The following SERGEF variants were observed in gnomAD, a reference collection of about 807,000 sequenced individuals.
SERGEF encodes the protein secretion regulating guanine nucleotide exchange factor, also known as secretion-regulating guanine nucleotide exchange factor.
In SERGEF, 51 loss-of-function variants were observed where a neutral mutation model predicts 50.0. The ratio of observed to expected loss-of-function variants is 1.02; its 90% CI spans 0.81 to 1.29. The LOEUF (loss-of-function observed/expected upper bound fraction) is 1.29, where lower values mean the gene tolerates loss of function less well. Ranked by LOEUF, SERGEF falls within the 50% of genes most tolerant of loss-of-function variation. The pLI, the probability that SERGEF is intolerant of heterozygous loss-of-function variation, is 0.00. For synonymous variants in SERGEF, 205 were observed against 212.4 expected (o/e 0.97, Z 0.30); for missense variants, 521 against 557.0 (o/e 0.94, Z 0.65).
At chr11:17,801,964 C>G (rs1849677850) in intron 10 of SERGEF, among the ~76,000 whole-genome samples, 1 of 152,086 alleles carries the variant, frequency 6.6e-6, no homozygotes, top group Admixed American at 6.6e-5. Context: ...TGTGAATGTC[C>G]CTGTTTCATA....
At chr11:17,832,321 T>C (rs1249177858) in intron 10 of SERGEF, among the ~76,000 whole-genome samples, 1 of 152,232 alleles carries the variant, frequency 6.6e-6, no homozygotes, top group Non-Finnish European at 1.5e-5. Context: ...TCTCTCATTT[T>C]TTGCCTGCAA....
chr11:17,866,297 CATAAAT>C, intron 10 of SERGEF, among the ~76,000 whole-genome samples: 1 of 152,198 alleles, frequency 6.6e-6, no homozygotes, highest in Non-Finnish European at 1.5e-5. Flanking sequence ...CAAAGAACTC[CATAAAT>C]AGTTTTCAGA....
At chr11:17,958,007 C>A (rs1368298473) in intron 9 of SERGEF, among the ~76,000 whole-genome samples, 1 of 152,142 alleles carries the variant, frequency 6.6e-6, no homozygotes, top group Admixed American at 6.5e-5. Context: ...TTATGGAAAT[C>A]TTCCATAATA....
chr11:17,827,943 T>A (rs1040325946), intron 10 of SERGEF, among the ~76,000 whole-genome samples: 1 of 152,198 alleles, frequency 6.6e-6, no homozygotes, highest in East Asian at 1.9e-4. Context: ...ATAGCAGCAC[T>A]AAGTTCTTCA....
intron 10 of SERGEF, among the ~76,000 whole-genome samples, chr11:17,834,110 C>A (rs1214064510): frequency 6.6e-6 from 1 of 152,108 alleles, no homozygotes; most frequent in Admixed American, 6.5e-5. Context: ...CTTGAATTCC[C>A]ACGTGTTGTG....
chr11:17,955,154 A>G (rs1852840284), intron 9 of SERGEF, among the ~76,000 whole-genome samples: 1 of 152,210 alleles, frequency 6.6e-6, no homozygotes, highest in Non-Finnish European at 1.5e-5. Flanking sequence ...TATCTTTGCT[A>G]AACTCCTATG....
At chr11:17,998,850 G>A (rs1039934078) in intron 5 of SERGEF, among the ~76,000 whole-genome samples, 3 of 149,072 alleles carry the variant, frequency 2.0e-5, no homozygotes, top group South Asian at 2.1e-4. Flanking sequence ...AAAAACTCAC[G>A]AGAAACCAAT....
chr11:17,795,072 A>G (rs1408260703), intron 10 of SERGEF, among the ~76,000 whole-genome samples: 1 of 152,220 alleles, frequency 6.6e-6, no homozygotes, highest in African/African-American at 2.4e-5. Context: ...AAGAGCACGC[A>G]TAGGCCTAGA....
chr11:17,937,762 C>G (rs1429264224), intron 9 of SERGEF, among the ~76,000 whole-genome samples: 1 of 152,064 alleles, frequency 6.6e-6, no homozygotes, highest in East Asian at 1.9e-4. Flanking sequence ...ACAGTAAGAA[C>G]TATCCTAAAA....
intron 10 of SERGEF, among the ~76,000 whole-genome samples, chr11:17,813,975 T>G (rs1849919257): frequency 6.6e-6 from 1 of 152,214 alleles, no homozygotes; most frequent in African/African-American, 2.4e-5. Flanking sequence ...CAGACCCCAC[T>G]GCTTAGGTTC....
intron 9 of SERGEF, among the ~76,000 whole-genome samples, chr11:17,879,653 AG>A (rs1414104210): frequency 6.6e-6 from 1 of 152,180 alleles, no homozygotes; most frequent in African/African-American, 2.4e-5. Context: ...AATGTCTTCC[AG>A]GTTCATCCAT....
At chr11:17,798,351 C>A (rs1279595803) in intron 10 of SERGEF, among the ~76,000 whole-genome samples, 1 of 152,218 alleles carries the variant, frequency 6.6e-6, no homozygotes, top group African/African-American at 2.4e-5. Flanking sequence ...ACTGCAGGCA[C>A]CTCATCTGAC....
chr11:17,967,294 C>T (rs1252552611), intron 8 of SERGEF, among the ~76,000 whole-genome samples: 1 of 152,154 alleles, frequency 6.6e-6, no homozygotes, highest in Non-Finnish European at 1.5e-5. Flanking sequence ...GTCTGTCTGA[C>T]CTCAGCTCCA....
At chr11:17,937,436 C>T (rs2133952889) in intron 9 of SERGEF, among the ~76,000 whole-genome samples, 1 of 152,120 alleles carries the variant, frequency 6.6e-6, no homozygotes, top group South Asian at 2.1e-4. Flanking sequence ...ACTTGGGAGG[C>T]TGAGGCATGA....
chr11:17,889,478 T>C (rs1161521105), intron 9 of SERGEF, among the ~76,000 whole-genome samples: 2 of 152,150 alleles, frequency 1.3e-5, no homozygotes, highest in East Asian at 3.8e-4. Context: ...TTGAGGGACA[T>C]TATATACAAA....
At chr11:17,875,400 T>A (rs1222544902) in intron 10 of SERGEF, among the ~76,000 whole-genome samples, 1 of 152,258 alleles carries the variant, frequency 6.6e-6, no homozygotes, top group East Asian at 1.9e-4. Flanking sequence ...TCACCTGGGA[T>A]TAGTTTAAAA....
At chr11:17,905,838 AAT>A (rs1385452300) in intron 9 of SERGEF, among the ~76,000 whole-genome samples, 2 of 152,086 alleles carry the variant, frequency 1.3e-5, no homozygotes, top group African/African-American at 4.8e-5. Flanking sequence ...TAAATAAATA[AAT>A]AAATAAAATA....
chr11:17,884,439 C>T lies in SERGEF; in HGVS notation c.1012-6195G>A, dbSNP rs556566990. ...CGTCTCGGTGCCGCCTTTGCTAGAG[C>T]TCTGCCCAAACCCGGTTTCCATCCG... On this transcript the variant is annotated intron_variant, in intron 9 of 10. Transcript: ENST00000265965. This position sits in a 1 kb window ranked among gnomAD's most constrained non-coding sequence, Gnocchi z 4.6. Among the ~76,000 whole-genome samples, 1 of 151,608 alleles carries T rather than the reference C, an allele frequency of 6.6e-6. No individual in the cohort carries two copies. Among genetic ancestry groups the T allele is most frequent in the African/African-American group, 2.4e-5 (1 of 41,220 alleles).
intron 10 of SERGEF, among the ~76,000 whole-genome samples, chr11:17,821,479 T>C (rs931818399): frequency 3.3e-5 from 5 of 152,194 alleles, no homozygotes; most frequent in African/African-American, 1.2e-4. Flanking sequence ...ATGATTAGCA[T>C]GGCACCAGGT....
Sources: allele counts gnomAD v4.1 joint callset (sites outside exome capture counted in the v4.1 genomes callset), GRCh38; gene constraint gnomAD v4.1.1; non-coding constraint Gnocchi (gnomAD v3.1); transcripts MANE v1.5; gene names NCBI Gene and HGNC (gene_info 2026-07-23, HGNC 2026-07-21).